The following DCLK2 variants were observed in gnomAD, a reference collection of about 807,000 sequenced individuals.
DCLK2 encodes the protein doublecortin like kinase 2, also known as serine/threonine-protein kinase DCLK2.
A neutral mutation model predicts 78.4 loss-of-function variants in DCLK2; 31 were observed. The ratio of observed to expected loss-of-function variants is 0.40; its 90% CI spans 0.30 to 0.53. The LOEUF is 0.53. DCLK2 is among the 20% of genes least tolerant of loss of function. The pLI, the probability that DCLK2 is intolerant of heterozygous loss-of-function variation, is 0.61. For missense variants in DCLK2, 872 were observed against 973.7 expected (o/e 0.90, Z 1.39); for synonymous variants, 407 against 374.9 (o/e 1.09, Z -0.99).
chr4:150,153,024 C>T (rs955099436), intron 2 of DCLK2, among the ~76,000 whole-genome samples: 1 of 152,234 alleles, frequency 6.6e-6, no homozygotes, highest in African/African-American at 2.4e-5. Flanking sequence ...AGAGTTGGAA[C>T]ATTTAAAGCA....
chr4:150,108,647 G>A (rs112088695), intron 2 of DCLK2, among the ~76,000 whole-genome samples: 5,064 of 152,050 alleles, frequency 0.033, 125 homozygotes, highest in Non-Finnish European at 0.047. Flanking sequence ...TAAATTTTTT[G>A]AAAGAGTGAC....
intron 2 of DCLK2, among the ~76,000 whole-genome samples, chr4:150,136,726 A>G (rs1733711953): frequency 6.6e-6 from 1 of 152,182 alleles, no homozygotes. Flanking sequence ...ACTGGCAGAC[A>G]CTAAGCTTCA....
At chr4:150,141,203 A>G (rs1298506764) in intron 2 of DCLK2, among the ~76,000 whole-genome samples, 3 of 152,152 alleles carry the variant, frequency 2.0e-5, no homozygotes, top group Non-Finnish European at 4.4e-5. Context: ...ATCTTATAAA[A>G]GTTCTAGGAT....
At chr4:150,175,774 T>C (rs1030568089) in intron 2 of DCLK2, 4 of 152,302 alleles carry the variant, frequency 2.6e-5, no homozygotes, top group African/African-American at 9.6e-5. Context: ...TATGTCTTGA[T>C]TCCTGTAGCT....
chr4:150,220,458 AATAAC>A (rs1741097806), intron 5 of DCLK2, among the ~76,000 whole-genome samples: 2 of 152,206 alleles, frequency 1.3e-5, no homozygotes, highest in Admixed American at 6.5e-5. Context: ...GGAAGTAAAA[AATAAC>A]ATAATTTCAA....
In DCLK2 at chr4:150,078,914, G is replaced by T; in HGVS notation, c.-114G>T. 1 of 1,325,354 alleles carries T rather than the reference G, an allele frequency of 7.5e-7. No individual in the cohort carries two copies. Among genetic ancestry groups the T allele is most frequent in the South Asian group, 1.7e-5 (1 of 58,188 alleles). The allele number at this position is 1,325,354 out of a possible 1,614,324, so 82.1% of individuals were successfully genotyped here. A position where few individuals can be genotyped will look rare whatever the true frequency, so the allele number is the denominator to read the frequency against. On this transcript the variant is annotated 5_prime_UTR_variant, in exon 1 of 16. The change creates a premature stop within an existing upstream ORF in the 5' untranslated region. Transcript: ENST00000296550. ...CCTGCGCGGAGAGGGCGGGATGCCAGAGCCAGGTGTCCCGGCGCGTTAAGG... is the reference window on the plus strand; with the variant it reads ...CCTGCGCGGAGAGGGCGGGATGCCATAGCCAGGTGTCCCGGCGCGTTAAGG...
At chr4:150,162,014 G>A (rs985878784) in intron 2 of DCLK2, among the ~76,000 whole-genome samples, 18 of 151,962 alleles carry the variant, frequency 1.2e-4, no homozygotes, top group Admixed American at 5.9e-4. Context: ...TGTCACCACC[G>A]TCTGTTTATT....
intron 3 of DCLK2, among the ~76,000 whole-genome samples, chr4:150,196,661 C>T (rs1171844031): frequency 1.0e-5 from 1 of 97,100 alleles, no homozygotes; most frequent in Non-Finnish European, 2.6e-5. Context: ...CCCAATTTCA[C>T]TGGGGCAAAA....
intron 8 of DCLK2, 55 bp from the exon 9 acceptor site, chr4:150,232,282 G>A (rs569051600): frequency 7.6e-6 from 12 of 1,585,850 alleles, no homozygotes; most frequent in African/African-American, 2.7e-5. Flanking sequence ...CCAGGCCTTC[G>A]AGAGCAGAGG....
At position 150,242,643 on chromosome 4, in the gene DCLK2, A is replaced by G. The variant is rs145953042; in HGVS notation, c.1778+2167A>G. Among the ~76,000 whole-genome samples the G allele has an allele frequency of 4.5e-4, 69 of 152,218 alleles. No individual in the cohort carries two copies. In the East Asian group the frequency reaches 7.8e-3, roughly 17 times the overall value. On this transcript the variant is annotated intron_variant, in intron 12 of 15. Coordinates refer to ENST00000296550, the MANE Select transcript of DCLK2 (RefSeq NM_001040260.4). ...GATGACTTGGCCCTGTGCTTTCATC[A>G]TGCAGGGGCTGTCCTGGGCTTCCAT...
At chr4:150,183,352 C>G (rs1737666254) in intron 2 of DCLK2, among the ~76,000 whole-genome samples, 1 of 152,180 alleles carries the variant, frequency 6.6e-6, no homozygotes, top group South Asian at 2.1e-4. Context: ...ATCCCTTCTA[C>G]CAAATTGTTG....
chr4:150,175,863 T>G (rs772114620), intron 2 of DCLK2, among the ~76,000 whole-genome samples: 1 of 152,134 alleles, frequency 6.6e-6, no homozygotes, highest in Non-Finnish European at 1.5e-5. Flanking sequence ...CTCTCCCCTC[T>G]CTGTACCGTG....
At chr4:150,243,734 T>C (rs562251591) in intron 12 of DCLK2, among the ~76,000 whole-genome samples, 1 of 152,090 alleles carries the variant, frequency 6.6e-6, no homozygotes, top group Non-Finnish European at 1.5e-5. Flanking sequence ...TCTTTTTTTT[T>C]TCTTTTTTAT....
chr4:150,145,889 T>C (rs1308509040), intron 2 of DCLK2, among the ~76,000 whole-genome samples: 1 of 152,090 alleles, frequency 6.6e-6, no homozygotes, highest in Non-Finnish European at 1.5e-5. Context: ...GTATCAAAGC[T>C]TTTTATAAAA....
At chr4:150,128,839 A>G (rs1733091553) in intron 2 of DCLK2, among the ~76,000 whole-genome samples, 1 of 152,148 alleles carries the variant, frequency 6.6e-6, no homozygotes, top group Non-Finnish European at 1.5e-5. Context: ...CAAAATCTTC[A>G]TAAGGATTGG....
chr4:150,142,805 A>AT (rs144401122), intron 2 of DCLK2, among the ~76,000 whole-genome samples: 67,742 of 148,070 alleles, frequency 0.46, 15,418 homozygotes, highest in South Asian at 0.56. Flanking sequence ...TAAAATGCTG[A>AT]TTTTTTTTTT....
At chr4:150,234,441 C>T (rs922122) in intron 10 of DCLK2, among the ~76,000 whole-genome samples, 14,346 of 152,218 alleles carry the variant, frequency 0.094, 1,150 homozygotes, top group South Asian at 0.39. Flanking sequence ...GCTCACTGAC[C>T]ACTGACACTC....
chr4:150,237,701 TAATG>T (rs1328158579), intron 10 of DCLK2, among the ~76,000 whole-genome samples: 1 of 152,204 alleles, frequency 6.6e-6, no homozygotes, highest in Non-Finnish European at 1.5e-5. Flanking sequence ...AGTAGCAGAC[TAATG>T]GATGATGTTG....
At chr4:150,107,808 A>G (rs532081826) in intron 2 of DCLK2, among the ~76,000 whole-genome samples, 343 of 152,226 alleles carry the variant, frequency 2.3e-3, no homozygotes, top group African/African-American at 7.9e-3. Context: ...GAGAATTGAA[A>G]GTGAAGTGTA....
Sources: allele counts gnomAD v4.1 joint callset (sites outside exome capture counted in the v4.1 genomes callset), GRCh38; gene constraint gnomAD v4.1.1; transcripts MANE v1.5; gene names NCBI Gene and HGNC (gene_info 2026-07-23, HGNC 2026-07-21).